The following ANGPT2 variants were observed in gnomAD, a reference collection of about 807,000 sequenced individuals.
ANGPT2 encodes angiopoietin 2.
Under a neutral mutation model 62.9 loss-of-function variants are expected in ANGPT2, and 28 were observed. The observed-to-expected ratio is 0.44, with a 90% CI of 0.33 to 0.61. ANGPT2 has a LOEUF of 0.61. Ranked by LOEUF, ANGPT2 falls within the 20% of genes least tolerant of loss-of-function variation. The pLI is 0.03. For missense variants in ANGPT2, 727 were observed against 594.9 expected (o/e 1.22, Z -2.31); for synonymous variants, 284 against 207.8 (o/e 1.37, Z -3.15).
chr8:6,546,358 C>T (rs1218690702), intron 1 of ANGPT2, among the ~76,000 whole-genome samples: 1 of 152,162 alleles, frequency 6.6e-6, no homozygotes, highest in Non-Finnish European at 1.5e-5. Context: ...CTCTGTAAAG[C>T]TAGGTTTTTG....
At chr8:6,539,489 C>G (rs930161449) in intron 1 of ANGPT2, among the ~76,000 whole-genome samples, 2 of 152,182 alleles carry the variant, frequency 1.3e-5, no homozygotes, top group Non-Finnish European at 2.9e-5. Flanking sequence ...CTTCACCTGC[C>G]CTGACCACAT....
At chr8:6,536,990 A>C (rs80142254) in intron 1 of ANGPT2, among the ~76,000 whole-genome samples, 4 of 150,504 alleles carry the variant, frequency 2.7e-5, no homozygotes, top group Non-Finnish European at 4.4e-5. Flanking sequence ...AAAAAAAAAA[A>C]CCAACCCAGT....
Position 6,499,830 on chromosome 8 carries a change from C to G in ANGPT2, c.*3271G>C, listed in dbSNP as rs1436916640. 1.2e-6 allele frequency: 2 copies of G among 1,609,090 alleles called. No individual in the cohort carries two copies. Among genetic ancestry groups the G allele is most frequent in the Non-Finnish European group, 1.7e-6 (2 of 1,176,834 alleles). ...TAAGGCTAATAAATGTATAATAAAT[C>G]TGCTTGTTGTGTCACTTGCAGGTGC... On this transcript the variant is annotated 3_prime_UTR_variant, in exon 9 of 9. Transcript: ENST00000629816.
intron 7 of ANGPT2, among the ~76,000 whole-genome samples, chr8:6,512,321 C>T (rs972282410): frequency 2.0e-5 from 3 of 152,158 alleles, no homozygotes; most frequent in African/African-American, 7.2e-5. Context: ...CCTGGGCAGC[C>T]TGCTCAAGGA....
Position 6,505,839 on chromosome 8 carries a change from AT to A in ANGPT2, c.1328-2579del, listed in dbSNP as rs1001506345. Among the ~76,000 whole-genome samples, 3 of 139,614 alleles carry A rather than the reference AT, an allele frequency of 2.1e-5. No individual in the cohort carries two copies. The Admixed American group carries it at 2.2e-4, about 10-fold the overall frequency. The allele number at this position is 139,614 out of a possible 152,430, so 91.6% of individuals were successfully genotyped here. A position where few individuals can be genotyped will look rare whatever the true frequency, so the allele number is the denominator to read the frequency against. ...TATATGTATATATAAAAACATGCAT[AT>A]TCTTTATATATGTATATATAAAAAC... On this transcript the variant is annotated intron_variant, in intron 8 of 8. Coordinates refer to ENST00000629816, the MANE Select transcript of ANGPT2 (RefSeq NM_001118887.2).
chr8:6,519,890 A>G lies in ANGPT2; in HGVS notation c.901T>C (p.Phe301Leu). Residue 301 changes from phenylalanine (F) to leucine (L), a missense_variant, in exon 5 of 9, where the codon TTC becomes CTC. Phe to Leu is a conservative substitution (Grantham distance 22). Coordinates refer to ENST00000629816, the MANE Select transcript of ANGPT2 (RefSeq NM_001118887.2). ...HTTNGIYTLTFPNSTEEIKAY... is the reference protein window; with the variant it reads ...HTTNGIYTLTLPNSTEEIKAY... ...TTGATCTCTTCTGTAGAATTAGGGAATGTTAACGTGTAGATGCCATTCGTG... is the reference window on the plus strand; with the variant it reads ...TTGATCTCTTCTGTAGAATTAGGGAGTGTTAACGTGTAGATGCCATTCGTG... 1 of 1,614,008 alleles carries G rather than the reference A, an allele frequency of 6.2e-7. No homozygotes were observed. Among genetic ancestry groups the G allele is most frequent in the Non-Finnish European group, 8.5e-7 (1 of 1,179,922 alleles).
In ANGPT2 at chr8:6,545,275, G is replaced by A. The variant is rs1486629584; in HGVS notation, c.289-12788C>T. 2.0e-5 allele frequency among the ~76,000 whole-genome samples: 3 copies of A among 152,192 alleles called. No homozygotes were observed. The East Asian group carries it at 5.8e-4, about 29-fold the overall frequency. On this transcript the variant is annotated intron_variant, in intron 1 of 8. Coordinates refer to ENST00000629816, the MANE Select transcript of ANGPT2 (RefSeq NM_001118887.2). ...CTTGACCTCGGTGCTGGTTACATGAGTGAATCCATATTTTTAAAAGTTATC... is the reference window on the plus strand; with the variant it reads ...CTTGACCTCGGTGCTGGTTACATGAATGAATCCATATTTTTAAAAGTTATC...
chr8:6,519,232 A>G (rs757811474), intron 5 of ANGPT2, among the ~76,000 whole-genome samples: 54 of 152,264 alleles, frequency 3.5e-4, no homozygotes, highest in South Asian at 2.3e-3. Context: ...CCCTCAGACC[A>G]TGTCACCAAG....
chr8:6,501,255 G>A lies in ANGPT2; in HGVS notation c.*1846C>T, dbSNP rs1218742878. On this transcript the variant is annotated 3_prime_UTR_variant, in exon 9 of 9. Coordinates refer to ENST00000629816, the MANE Select transcript of ANGPT2 (RefSeq NM_001118887.2). ...GTTCTAAAACTACGTCAAGTGGTGG[G>A]GAGAAGTTGGGGTAAAATAAATTAG... 1 of 152,114 alleles carries A rather than the reference G, an allele frequency of 6.6e-6. No individual in the cohort carries two copies. The highest frequency in any genetic ancestry group is 1.5e-5 in the Non-Finnish European group (1 of 68,034). 9.4% of individuals were successfully genotyped at this position (152,114 alleles called of 1,614,324 possible). A position where few individuals can be genotyped will look rare whatever the true frequency, so the allele number is the denominator to read the frequency against.
At position 6,499,900 on chromosome 8, in the gene ANGPT2, G is replaced by A. The variant is rs575824036; in HGVS notation, c.*3201C>T. ...TCACTGGATTTCTGAGGAGCCGTTCGAACTGTCTCACCACTTCCCTGCAGC... is the reference window on the plus strand; with the variant it reads ...TCACTGGATTTCTGAGGAGCCGTTCAAACTGTCTCACCACTTCCCTGCAGC... On this transcript the variant is annotated 3_prime_UTR_variant, in exon 9 of 9. Transcript: ENST00000629816. 27 of 1,613,634 alleles carry A rather than the reference G, an allele frequency of 1.7e-5. No homozygotes were observed. The East Asian group carries it at 4.2e-4, about 25-fold the overall frequency.
At chr8:6,561,476 G>A (rs539901408) in intron 1 of ANGPT2, among the ~76,000 whole-genome samples, 9 of 152,208 alleles carry the variant, frequency 5.9e-5, no homozygotes, top group Non-Finnish European at 8.8e-5. Context: ...TCCAAGATCC[G>A]TTCTGAGATT....
At chr8:6,558,969 C>T (rs1217654724) in intron 1 of ANGPT2, among the ~76,000 whole-genome samples, 26 of 151,868 alleles carry the variant, frequency 1.7e-4, no homozygotes. Flanking sequence ...GTTCCCCTAC[C>T]ATAGTGAAAC....
At chr8:6,538,084 A>C (rs540792540) in intron 1 of ANGPT2, among the ~76,000 whole-genome samples, 2 of 152,242 alleles carry the variant, frequency 1.3e-5, no homozygotes, top group African/African-American at 4.8e-5. Flanking sequence ...GGATTTTGCA[A>C]CCATCTCTCA....
intron 8 of ANGPT2, among the ~76,000 whole-genome samples, chr8:6,507,408 T>C (rs1813965003): frequency 6.6e-6 from 1 of 152,206 alleles, no homozygotes; most frequent in African/African-American, 2.4e-5. Flanking sequence ...CATTTTGCAC[T>C]ATTGGCAGAG....
rs1563304816 is a variant in ANGPT2 at position 6,505,179 on chromosome 8, T to TATATATATTCTTATGTATATATAGA, written c.1328-1919_1328-1918insTCTATATATACATAAGAATATATAT. On this transcript the variant is annotated intron_variant, in intron 8 of 8. Coordinates refer to ENST00000629816, the MANE Select transcript of ANGPT2 (RefSeq NM_001118887.2). ...AATAAAAACTCTATGCCAAAGAATA[T>TATATATATTCTTATGTATATATAGA]ATATATATATATTCTTATGTATATA... is the stretch of plus-strand genomic sequence containing the variant. 1.3e-3 allele frequency among the ~76,000 whole-genome samples: 161 copies of TATATATATTCTTATGTATATATAGA among 122,648 alleles called. 1 individual carries two copies. Among genetic ancestry groups the TATATATATTCTTATGTATATATAGA allele is most frequent in the Non-Finnish European group, 2.2e-3 (131 of 59,702 alleles). The allele number at this position is 122,648 out of a possible 152,430, so 80.5% of individuals were successfully genotyped here.
At chr8:6,517,724 G>C (rs1280619426) in intron 5 of ANGPT2, among the ~76,000 whole-genome samples, 2 of 152,122 alleles carry the variant, frequency 1.3e-5, no homozygotes, top group South Asian at 2.1e-4. Flanking sequence ...TCATTGTTCT[G>C]TTACAGATGG....
intron 1 of ANGPT2, among the ~76,000 whole-genome samples, chr8:6,552,231 C>G (rs189351136): frequency 6.6e-6 from 1 of 152,288 alleles, no homozygotes. Flanking sequence ...ATAGAAACAA[C>G]ATGCAGAAGC....
At chr8:6,512,345 T>C (rs1563320794) in intron 7 of ANGPT2, among the ~76,000 whole-genome samples, 1 of 152,170 alleles carries the variant, frequency 6.6e-6, no homozygotes, top group Non-Finnish European at 1.5e-5. Context: ...TAACATTGTG[T>C]CTCCTTTCAG....
rs769982853 is a variant in ANGPT2 at position 6,513,756 on chromosome 8, T to C, written c.1118A>G (p.His373Arg). 1 of 1,613,974 alleles carries C rather than the reference T, an allele frequency of 6.2e-7. No individual in the cohort carries two copies. The highest frequency in any genetic ancestry group is 2.2e-5 in the East Asian group (1 of 44,872). ...CTCATTCCCTTCCCAGTCTTTAAGGTGTATTTTAAGCACATAGCGTTGCTG... is the reference window on the plus strand; with the variant it reads ...CTCATTCCCTTCCCAGTCTTTAAGGCGTATTTTAAGCACATAGCGTTGCTG... ...TNQQRYVLKIHLKDWEGNEAY... is the reference protein window; with the variant it reads ...TNQQRYVLKIRLKDWEGNEAY... Residue 373 changes from histidine (H) to arginine (R), a missense_variant, in exon 7 of 9, where the codon CAC (histidine) becomes CGC (arginine). By Grantham distance (29) the His-to-Arg change is conservative. Coordinates refer to ENST00000629816, the MANE Select transcript of ANGPT2 (RefSeq NM_001118887.2).
Sources: allele counts gnomAD v4.1 joint callset (sites outside exome capture counted in the v4.1 genomes callset), GRCh38; gene constraint gnomAD v4.1.1; transcripts MANE v1.5; gene names NCBI Gene and HGNC (gene_info 2026-07-23, HGNC 2026-07-21).